BAZ2B: variants seen among roughly 807,000 people sequenced by gnomAD.
BAZ2B encodes bromodomain adjacent to zinc finger domain 2B.
A neutral mutation model predicts 246.0 loss-of-function variants in BAZ2B; 91 were observed. The observed-to-expected ratio is 0.37, with a 90% CI of 0.31 to 0.44. The LOEUF is 0.44. BAZ2B is among the 20% of genes least tolerant of loss of function. BAZ2B has a pLI of 1.00. For missense variants in BAZ2B, 2,332 were observed against 2,533.7 expected, an observed-to-expected ratio of 0.92 and a Z score of 1.71; for synonymous variants, 855 against 860.0, an observed-to-expected ratio of 0.99 and a Z score of 0.10.
At chr2:159,682,826 A>T in the BAZ2B span, among the ~76,000 whole-genome samples, 2 of 152,060 alleles carry the variant, frequency 1.3e-5, no homozygotes, top group African/African-American at 4.8e-5. Context: ...CAAACACTGC[A>T]TTCTCTTGCA....
At chr2:159,515,407 T>C (rs1360950381) in intron 2 of BAZ2B, among the ~76,000 whole-genome samples, 4 of 152,112 alleles carry the variant, frequency 2.6e-5, no homozygotes, top group Admixed American at 1.3e-4. Context: ...TTTGGTAATA[T>C]TATATTAAAG....
At chr2:159,364,578 C>G (rs1249324647) in intron 27 of BAZ2B, among the ~76,000 whole-genome samples, 3 of 152,128 alleles carry the variant, frequency 2.0e-5, no homozygotes, top group Non-Finnish European at 2.9e-5. Context: ...CCATGTTACC[C>G]AGGCTGGTCT....
intron 27 of BAZ2B, among the ~76,000 whole-genome samples, chr2:159,367,544 CCTTT>C (rs1277028411): frequency 2.0e-5 from 3 of 152,010 alleles, no homozygotes; most frequent in African/African-American, 7.3e-5. Flanking sequence ...TTAAATCTAA[CCTTT>C]CTTTATTAAG....
intron 27 of BAZ2B, among the ~76,000 whole-genome samples, chr2:159,351,110 C>T (rs1035204660): frequency 1.3e-5 from 2 of 152,038 alleles, no homozygotes; most frequent in Non-Finnish European, 2.9e-5. Flanking sequence ...AAAAATATTA[C>T]AAGCTGTACT....
Position 159,347,699 on chromosome 2 carries a change from C to A in BAZ2B, c.5294-53G>T. 3 of 1,416,668 alleles carry A rather than the reference C, an allele frequency of 2.1e-6. No homozygotes were observed. The East Asian group carries it at 7.4e-5, about 35-fold the overall frequency. 87.8% of individuals were successfully genotyped at this position (1,416,668 alleles called of 1,614,324 possible). On this transcript the variant is annotated intron_variant, in intron 30 of 36. Coordinates refer to ENST00000392783, the MANE Select transcript of BAZ2B (RefSeq NM_013450.4). ...AATCCACTTATTAAGCTTTTCCCCA[C>A]AGAGACCTCTTCCAGAAAGTGAATA...
the BAZ2B span, among the ~76,000 whole-genome samples, chr2:159,710,030 G>T: frequency 6.6e-6 from 1 of 152,110 alleles, no homozygotes; most frequent in Non-Finnish European, 1.5e-5. Flanking sequence ...AGTAGCAAGG[G>T]AAGGTCAAGT....
rs2075362807 is a variant in BAZ2B, at chr2:159,453,642, G to T, written c.305C>A (p.Ala102Asp). Residue 102 changes from alanine (A) to aspartate (D), a missense_variant, in exon 4 of 37, where the codon GCC (alanine) becomes GAC (aspartate). Physicochemically the swap from Ala to Asp is moderately radical, Grantham distance 126. Around this residue, in one of 9 missense-constraint regions of BAZ2B, gnomAD observed 242 missense variants for 237.4 expected, o/e 1.02. Coordinates refer to ENST00000392783, the MANE Select transcript of BAZ2B (RefSeq NM_013450.4). ...AAAAGATGCTAGTTGGGGATGTGCGGCTAAGGCTGTGGGTGTACCAAGTGT... is the reference window on the plus strand; with the variant it reads ...AAAAGATGCTAGTTGGGGATGTGCGTCTAAGGCTGTGGGTGTACCAAGTGT... ...LGTLGTPTAL[A>D]AHPQLASFPG... 3 of 1,611,742 alleles carry T rather than the reference G, an allele frequency of 1.9e-6. No homozygotes were observed. The highest frequency in any genetic ancestry group is 2.5e-6 in the Non-Finnish European group (3 of 1,178,848).
At chr2:159,349,510 A>C (rs1183509156) in intron 28 of BAZ2B, among the ~76,000 whole-genome samples, 198 bp downstream of exon 28, 1 of 152,228 alleles carries the variant, frequency 6.6e-6, no homozygotes, top group Non-Finnish European at 1.5e-5. Flanking sequence ...TTAAAAAGTA[A>C]TTAAAGAAGA....
Position 159,350,231 on chromosome 2 carries a change from T to C in BAZ2B, c.4340A>G (p.Lys1447Arg). 4 of 1,613,728 alleles carry C rather than the reference T, an allele frequency of 2.5e-6. No individual in the cohort carries two copies. The highest frequency in any genetic ancestry group is 2.5e-6 in the Non-Finnish European group (3 of 1,179,786). ...GTTATCTTTTTCTTTAAGATCTTCC[T>C]TTTGTTCACAGTGATCTGTATTTGA... ...NCSNTDHCEQ[K>R]EDLKEKDNTN... The change falls in exon 28 of 37, where the codon AAG (lysine) becomes AGG (arginine). Residue 1447 changes from lysine to arginine, a missense_variant. By Grantham distance (26) the Lys-to-Arg change is conservative. This residue lies in a region of BAZ2B where 676 missense variants were observed against 668.6 expected (regional missense o/e 1.01). Transcript: ENST00000392783.
rs117013667 is a variant in BAZ2B, at chr2:159,441,074, T to C, written c.697-1862A>G. Among the ~76,000 whole-genome samples, 124 of 152,294 alleles carry C rather than the reference T, an allele frequency of 8.1e-4. 3 individuals are homozygous for C. In the East Asian group the frequency reaches 0.022, roughly 27 times the overall value. ...TTTGTCAAAGAAACAGCTACTTCTT[T>C]GCAACCAAAATCTGTTGTAGTTTTC... is the stretch of plus-strand genomic sequence containing the variant. On this transcript the variant is annotated intron_variant, in intron 6 of 36. Coordinates refer to ENST00000392783, the MANE Select transcript of BAZ2B (RefSeq NM_013450.4).
intron 2 of BAZ2B, among the ~76,000 whole-genome samples, chr2:159,490,227 T>C (rs2080292936): frequency 6.6e-6 from 1 of 152,204 alleles, no homozygotes; most frequent in Non-Finnish European, 1.5e-5. Flanking sequence ...ATCAAACAGA[T>C]ATGAAATATA....
intron 6 of BAZ2B, among the ~76,000 whole-genome samples, chr2:159,440,893 G>A (rs1487804126): frequency 1.3e-5 from 2 of 152,078 alleles, no homozygotes; most frequent in Non-Finnish European, 2.9e-5. Context: ...CAGACTAATA[G>A]TTCCCATCAT....
chr2:159,448,102 C>T (rs912750872), intron 5 of BAZ2B, 140 bp downstream of exon 5: 1 of 967,452 alleles, frequency 1.0e-6, no homozygotes, highest in African/African-American at 1.7e-5. Context: ...CCAGCCTGGG[C>T]AAAAGAGTGA....
intron 23 of BAZ2B, among the ~76,000 whole-genome samples, chr2:159,384,559 A>G (rs911720499): frequency 2.6e-5 from 4 of 152,102 alleles, no homozygotes; most frequent in Non-Finnish European, 4.4e-5. Flanking sequence ...ATGAACATGA[A>G]TTTGTTCAGA....
intron 8 of BAZ2B, chr2:159,433,587 T>A: frequency 2.4e-6 from 1 of 409,794 alleles, no homozygotes. Context: ...TTAAAAATTA[T>A]ATGCCTTTTG....
At chr2:159,666,805 A>C in the BAZ2B span, among the ~76,000 whole-genome samples, 1 of 152,076 alleles carries the variant, frequency 6.6e-6, no homozygotes, top group Non-Finnish European at 1.5e-5. Flanking sequence ...CAGTGAGCCA[A>C]GATCAGGCCA....
At chr2:159,507,094 G>A (rs1279551028) in intron 2 of BAZ2B, among the ~76,000 whole-genome samples, 1 of 152,016 alleles carries the variant, frequency 6.6e-6, no homozygotes, top group African/African-American at 2.4e-5. Flanking sequence ...TAGATTCATG[G>A]GGCCCCAAAA....
intron 27 of BAZ2B, among the ~76,000 whole-genome samples, chr2:159,361,110 T>G (rs1453331878): frequency 6.6e-6 from 1 of 152,076 alleles, no homozygotes; most frequent in African/African-American, 2.4e-5. Context: ...TGGGATCTAA[T>G]TAAACTAAAG....
chr2:159,641,320 T>C, the BAZ2B span, among the ~76,000 whole-genome samples: 1 of 152,210 alleles, frequency 6.6e-6, no homozygotes, highest in African/African-American at 2.4e-5. Flanking sequence ...TTATCTGTGA[T>C]GTTAAGCTTT....
Sources: allele counts gnomAD v4.1 joint callset (sites outside exome capture counted in the v4.1 genomes callset), GRCh38; gene constraint gnomAD v4.1.1; regional missense constraint gnomAD v4.1.1; transcripts MANE v1.5; gene names NCBI Gene and HGNC (gene_info 2026-07-23, HGNC 2026-07-21).